The following GLIS1 variants were observed in gnomAD, a reference collection of about 807,000 sequenced individuals.
GLIS1 encodes the protein zinc finger protein GLIS1.
In GLIS1, 24 loss-of-function variants were observed where a neutral mutation model predicts 63.8. The observed-to-expected ratio is 0.38, with a 90% CI of 0.27 to 0.53. GLIS1 has a LOEUF of 0.53. GLIS1 is among the 20% of genes least tolerant of loss of function. The probability of loss-of-function intolerance (pLI) is 0.85; values close to 1 mark genes in which losing one functional copy is unlikely to be tolerated. For synonymous variants in GLIS1, 450 were observed against 482.5 expected (o/e 0.93, Z 0.88); for missense variants, 1,036 against 1,074.1 (o/e 0.96, Z 0.50).
intron 4 of GLIS1, among the ~76,000 whole-genome samples, chr1:53,566,073 G>T (rs1323829423): frequency 6.6e-6 from 1 of 152,132 alleles, no homozygotes; most frequent in African/African-American, 2.4e-5. Flanking sequence ...AAGCTATATA[G>T]CTTAATTATG....
chr1:53,550,047 T>C (rs1287610538), intron 4 of GLIS1, among the ~76,000 whole-genome samples: 2 of 152,356 alleles, frequency 1.3e-5, no homozygotes, highest in East Asian at 3.9e-4. Flanking sequence ...CATGACTCCC[T>C]GATAGGCATC....
chr1:53,685,991 C>G (rs939436122), intron 2 of GLIS1, among the ~76,000 whole-genome samples: 9 of 152,238 alleles, frequency 5.9e-5, no homozygotes, highest in African/African-American at 2.2e-4. Flanking sequence ...TGCCCTCCCC[C>G]TCTGCCCCTG....
rs1644331573 is a variant in GLIS1 at position 53,514,653 on chromosome 1, G to C, written c.1855C>G (p.Leu619Val). Residue 619 changes from leucine to valine, a missense_variant, in exon 8 of 11, where the codon CTG becomes GTG. This residue lies in a region of GLIS1 where 400 missense variants were observed against 400.9 expected (regional missense o/e 1.00). Transcript: ENST00000628545. ...TCCCGGGTGCTCTCAGCCATGGGCA[G>C]AGGGGACAGATGGTGGTGGGAACTG... ...TTSSHHHLSP[L>V]PMAESTRDGL... 6.2e-7 allele frequency: 1 copy of C among 1,613,748 alleles called. No homozygotes were observed. Among genetic ancestry groups the C allele is most frequent in the East Asian group, 2.2e-5 (1 of 44,854 alleles).
intron 2 of GLIS1, among the ~76,000 whole-genome samples, chr1:53,711,892 T>C (rs1301903821): frequency 6.6e-6 from 1 of 152,176 alleles, no homozygotes; most frequent in Non-Finnish European, 1.5e-5. Flanking sequence ...TCCCCATTCA[T>C]CTAATGGGAA....
chr1:53,733,701 C>T (rs1015025204), intron 2 of GLIS1, among the ~76,000 whole-genome samples: 11 of 152,186 alleles, frequency 7.2e-5, no homozygotes, highest in Non-Finnish European at 1.5e-4. Context: ...TTTTTACCCA[C>T]ACACATACTT....
At chr1:53,522,986 C>CTTTTTCTTTTTT (rs760283252) in intron 6 of GLIS1, among the ~76,000 whole-genome samples, 7 of 43,690 alleles carry the variant, frequency 1.6e-4, no homozygotes, top group Admixed American at 6.2e-4. Flanking sequence ...TCTTTTCTTT[C>CTTTTTCTTTTTT]TTTTTTTTTT....
chr1:53,532,380 C>T (rs965920103), intron 4 of GLIS1, among the ~76,000 whole-genome samples: 2 of 152,172 alleles, frequency 1.3e-5, no homozygotes, highest in African/African-American at 2.4e-5. Flanking sequence ...ATGATGGTTC[C>T]GGGACAGCTC....
intron 4 of GLIS1, among the ~76,000 whole-genome samples, chr1:53,552,396 T>G (rs1206533946): frequency 6.6e-6 from 1 of 152,280 alleles, no homozygotes; most frequent in East Asian, 1.9e-4. Context: ...CGCCAGGCCT[T>G]CCTTCTCAGG....
chr1:53,665,789 T>G (rs1046262576), intron 2 of GLIS1, among the ~76,000 whole-genome samples: 3 of 152,012 alleles, frequency 2.0e-5, no homozygotes, highest in African/African-American at 7.3e-5. Flanking sequence ...ACAAAGTATT[T>G]TAAGGAGGGA....
intron 7 of GLIS1, among the ~76,000 whole-genome samples, chr1:53,518,650 AG>A (rs150597950): frequency 0.018 from 2,674 of 152,338 alleles, 52 homozygotes; most frequent in African/African-American, 0.052. Context: ...TCACAGAACA[AG>A]GGCAGTAGCT....
chr1:53,564,305 T>C (rs1644916984), intron 4 of GLIS1, among the ~76,000 whole-genome samples: 1 of 152,068 alleles, frequency 6.6e-6, no homozygotes, highest in African/African-American at 2.4e-5. Flanking sequence ...TCATAGGTAA[T>C]CATTAAGAGA....
At chr1:53,569,144 G>A (rs1411348314) in intron 4 of GLIS1, among the ~76,000 whole-genome samples, 1 of 152,162 alleles carries the variant, frequency 6.6e-6, no homozygotes, top group Non-Finnish European at 1.5e-5. Flanking sequence ...TGGTTGCCAA[G>A]GGAAGGAGGG....
chr1:53,657,097 C>T (rs6688040), intron 2 of GLIS1, among the ~76,000 whole-genome samples: 67,938 of 152,096 alleles, frequency 0.45, 17,377 homozygotes, highest in Non-Finnish European at 0.55. Context: ...CTGTTTGCCA[C>T]CCCCGGGCTA....
intron 2 of GLIS1, among the ~76,000 whole-genome samples, chr1:53,694,890 G>C (rs984639728): frequency 1.3e-5 from 2 of 152,124 alleles, no homozygotes; most frequent in Non-Finnish European, 2.9e-5. Flanking sequence ...GGCTCCGATC[G>C]TGCCTGCAAA....
chr1:53,664,343 G>T (rs965884024), intron 2 of GLIS1, among the ~76,000 whole-genome samples: 4 of 152,196 alleles, frequency 2.6e-5, no homozygotes, highest in African/African-American at 9.7e-5. Context: ...GTCAGAGTAC[G>T]ATGTACTGCT....
intron 4 of GLIS1, among the ~76,000 whole-genome samples, chr1:53,556,503 T>TGGTGTACTGCAGATGTGTGTGCA (rs1644829772): frequency 7.4e-6 from 1 of 135,570 alleles, no homozygotes; most frequent in African/African-American, 2.9e-5. Flanking sequence ...GGTGTGTGTG[T>TGGTGTACTGCAGATGTGTGTGCA]GGTGTACTGC....
At position 53,579,506 on chromosome 1, in the gene GLIS1, A is replaced by C. The variant is rs72675197; in HGVS notation, c.1320+14602T>G. Among the ~76,000 whole-genome samples the C allele has an allele frequency of 5.3e-3, 811 of 152,334 alleles. 3 individuals are homozygous for C. The highest frequency in any genetic ancestry group is 8.6e-3 in the Non-Finnish European group (582 of 68,018). ...TTTCACCAACCAGTTGTCAGGACAG[A>C]TCTTCCTGGGTTCACAATATGGAGA... On this transcript the variant is annotated intron_variant, in intron 4 of 10. Transcript: ENST00000628545.
chr1:53,553,207 T>C (rs1240269022), intron 4 of GLIS1, among the ~76,000 whole-genome samples: 2 of 152,116 alleles, frequency 1.3e-5, no homozygotes, highest in African/African-American at 4.8e-5. Flanking sequence ...AAGCGCAGCC[T>C]CGGGGCTGGA....
At chr1:53,705,976 C>T (rs867872783) in intron 2 of GLIS1, among the ~76,000 whole-genome samples, 2 of 152,124 alleles carry the variant, frequency 1.3e-5, no homozygotes, top group Admixed American at 1.3e-4. Context: ...GAAGCAGCCT[C>T]GGGAAAGGCT....
Sources: gnomAD v4.1 joint callset for allele counts (sites outside exome capture counted in the v4.1 genomes callset) on GRCh38, gnomAD v4.1.1 for gene constraint, gnomAD v4.1.1 regional missense constraint, MANE v1.5 for transcripts, NCBI Gene and HGNC (gene_info 2026-07-23, HGNC 2026-07-21) for gene names.